The following MICALL1 variants were observed in gnomAD, a reference collection of about 807,000 sequenced individuals.
The protein encoded by MICALL1 is MICAL-like protein 1.
Under a neutral mutation model 83.7 loss-of-function variants are expected in MICALL1, and 61 were observed. The ratio of observed to expected loss-of-function variants is 0.73; its 90% CI spans 0.59 to 0.90. The LOEUF (loss-of-function observed/expected upper bound fraction) is 0.90. Among genes scored for constraint, MICALL1 ranks in the 40% least tolerant of loss-of-function variants. The pLI, the probability that MICALL1 is intolerant of heterozygous loss-of-function variation, is 0.00. For synonymous variants in MICALL1, 481 were observed against 473.6 expected, an observed-to-expected ratio of 1.02 and a Z score of -0.20; for missense variants, 1,066 against 1,152.0, an observed-to-expected ratio of 0.93 and a Z score of 1.08.
intron 13 of MICALL1, among the ~76,000 whole-genome samples, chr22:37,934,105 C>T (rs1362976565): frequency 6.6e-6 from 1 of 152,248 alleles, no homozygotes; most frequent in Non-Finnish European, 1.5e-5. Flanking sequence ...CCAGAGCGGG[C>T]ACGGCTCCTC....
chr22:37,917,716 C>G lies in MICALL1; in HGVS notation c.347C>G (p.Ser116Trp). The G allele has an allele frequency of 6.2e-7, 1 of 1,613,792 alleles. No homozygotes were observed. The highest frequency in any genetic ancestry group is 8.5e-7 in the Non-Finnish European group (1 of 1,179,820). ...TCTCATCTCTTGGCAGCTGGTGTCTCGCCACCCAGAAAGGGCCTTGCACCC... is the reference window on the plus strand; with the variant it reads ...TCTCATCTCTTGGCAGCTGGTGTCTGGCCACCCAGAAAGGGCCTTGCACCC... ...HFCSPGQAGV[S>W]PPRKGLAPCS... is the part of the protein sequence containing the mutation. Residue 116 changes from serine to tryptophan, a missense_variant, in exon 4 of 16, where the codon TCG becomes TGG. Coordinates refer to ENST00000215957, the MANE Select transcript of MICALL1 (RefSeq NM_033386.4).
At chr22:37,919,311 G>A (rs1928877956) in intron 5 of MICALL1, 133 bp downstream of exon 5, 2 of 1,162,968 alleles carry the variant, frequency 1.7e-6, no homozygotes. Context: ...TTTTACTGAT[G>A]AGCAAACCAA....
In MICALL1 at chr22:37,912,380, G is replaced by A; in HGVS notation, c.225G>A (p.Gly75=). The change falls in exon 3 of 16, where the codon GGG becomes GGA. Residue 75 remains glycine (G), a synonymous_variant. Coordinates refer to ENST00000215957, the MANE Select transcript of MICALL1 (RefSeq NM_033386.4). The part of the protein sequence containing the change: ...LAFEVAEKEL[G]IPALLDPNDM... ...TTGAAGTGGCTGAGAAGGAGCTGGG[G>A]ATCCCCGCTCTCCTGGACCCCAATG... The A allele has an allele frequency of 3.1e-6, 5 of 1,613,436 alleles. No homozygotes were observed. Among genetic ancestry groups the A allele is most frequent in the Non-Finnish European group, 4.2e-6 (5 of 1,179,432 alleles).
intron 5 of MICALL1, among the ~76,000 whole-genome samples, chr22:37,920,430 C>T (rs1928954812): frequency 1.3e-5 from 2 of 151,844 alleles, no homozygotes; most frequent in Admixed American, 6.6e-5. Flanking sequence ...AGGAAACAGA[C>T]TCTACCAACA....
intron 13 of MICALL1, among the ~76,000 whole-genome samples, chr22:37,934,807 AG>A (rs1265114847): frequency 6.6e-6 from 1 of 151,250 alleles, no homozygotes. Context: ...CATGTTAGCC[AG>A]GATGGTCTCG....
chr22:37,927,164 G>A, intron 8 of MICALL1: 2 of 497,304 alleles, frequency 4.0e-6, no homozygotes, highest in African/African-American at 1.9e-5. Flanking sequence ...GGGCTATGGG[G>A]AGTGTGGGGA....
At chr22:37,926,091 G>C in intron 8 of MICALL1, 48 bp downstream of exon 8, 2 of 1,530,198 alleles carry the variant, frequency 1.3e-6, no homozygotes, top group Non-Finnish European at 1.8e-6. Context: ...CTCGGGGGTG[G>C]GGCCCGGGCC....
chr22:37,929,477 G>A (rs1322131494), intron 9 of MICALL1, among the ~76,000 whole-genome samples: 3 of 152,218 alleles, frequency 2.0e-5, no homozygotes, highest in Non-Finnish European at 2.9e-5. Flanking sequence ...AGCTTTCTTG[G>A]GTGCTTCTGT....
chr22:37,911,275 A>G (rs532877207), intron 1 of MICALL1, among the ~76,000 whole-genome samples: 1 of 152,194 alleles, frequency 6.6e-6, no homozygotes, highest in Admixed American at 6.5e-5. Flanking sequence ...GAGTATGTAC[A>G]TTTCCACTCT....
rs1315880711 is a variant in MICALL1, at chr22:37,924,791, T to C, written c.1082+74T>C. ...GGAATCAGGGTACTCTGGGGCCGGG[T>C]AGGGAGAGAGGCTTCCTGTGGATGG... On this transcript the variant is annotated intron_variant, in intron 7 of 15. Coordinates refer to ENST00000215957, the MANE Select transcript of MICALL1 (RefSeq NM_033386.4). The surrounding 1 kb of genome is among the most constrained non-coding windows in gnomAD (Gnocchi z 5.2). 3.3e-6 allele frequency: 5 copies of C among 1,505,170 alleles called. No homozygotes were observed. The highest frequency in any genetic ancestry group is 4.6e-6 in the Non-Finnish European group (5 of 1,092,722). 93.2% of individuals were successfully genotyped at this position (1,505,170 alleles called of 1,614,324 possible).
chr22:37,933,191 A>T (rs967490283), intron 13 of MICALL1, 79 bp downstream of exon 13: 2 of 1,437,682 alleles, frequency 1.4e-6, no homozygotes, highest in Non-Finnish European at 1.9e-6. Flanking sequence ...CGGGCAGACA[A>T]AACCCCAGTA....
intron 4 of MICALL1, among the ~76,000 whole-genome samples, 188 bp from the exon 5 acceptor site, chr22:37,918,848 C>T (rs1928839929): frequency 6.6e-6 from 1 of 152,252 alleles, no homozygotes. Context: ...GGCTTCCTCA[C>T]CTGGGAGACA....
At position 37,917,806 on chromosome 22, in the gene MICALL1, A is replaced by G. The variant is rs1260835011; in HGVS notation, c.426+11A>G. 6 of 1,612,944 alleles carry G rather than the reference A, an allele frequency of 3.7e-6. No individual in the cohort carries two copies. The highest frequency in any genetic ancestry group is 5.1e-6 in the Non-Finnish European group (6 of 1,179,252). On this transcript the variant is annotated intron_variant, in intron 4 of 15. Coordinates refer to ENST00000215957, the MANE Select transcript of MICALL1 (RefSeq NM_033386.4). ...GAAGATGTGGCTCAGGTAGGCAGAT[A>G]CCTGGAGAGGTGGGAGGGCCAGGGG...
chr22:37,932,863 CG>C lies in MICALL1; in HGVS notation c.2211del (p.Arg738GlufsTer47). The part of the protein sequence containing the change: ...KLIHEKHLLV[R>X]RESELIYVFK... ...CATCCACGAGAAGCACCTACTGGTG[CG>C]GCGAGAGTCCGAGCTCATCTATGTG... On this transcript the variant is annotated frameshift_variant, in exon 12 of 16. Coordinates refer to ENST00000215957, the MANE Select transcript of MICALL1 (RefSeq NM_033386.4). LOFTEE classifies it high-confidence loss of function. This position sits in a 1 kb window ranked among gnomAD's most constrained non-coding sequence, Gnocchi z 4.4. 1 of 1,614,086 alleles carries C rather than the reference CG, an allele frequency of 6.2e-7. No homozygotes were observed. Among genetic ancestry groups the C allele is most frequent in the Non-Finnish European group, 8.5e-7 (1 of 1,180,002 alleles).
chr22:37,925,849 A>G lies in MICALL1; in HGVS notation c.1271A>G (p.Tyr424Cys), dbSNP rs1929396902. Residue 424 changes from tyrosine (Y) to cysteine (C), a missense_variant, in exon 8 of 16, where the codon TAT becomes TGT. Coordinates refer to ENST00000215957, the MANE Select transcript of MICALL1 (RefSeq NM_033386.4). ...ACGGCCAGCCTGGAGTCCAAACCCT[A>G]TAACCCCTTTGAGGAGGAGGAGGAG... Reference protein sequence around the residue: ...SPTASLESKPYNPFEEEEEDK... With the variant: ...SPTASLESKPCNPFEEEEEDK... The G allele has an allele frequency of 6.2e-7, 1 of 1,613,924 alleles. No individual in the cohort carries two copies. The highest frequency in any genetic ancestry group is 1.3e-5 in the African/African-American group (1 of 75,038).
chr22:37,921,102 T>G (rs574619167), intron 5 of MICALL1, among the ~76,000 whole-genome samples: 3 of 152,058 alleles, frequency 2.0e-5, no homozygotes, highest in Non-Finnish European at 4.4e-5. Context: ...AAAAAGAAAC[T>G]TTTTATAGCA....
In MICALL1 at chr22:37,906,830, C is replaced by T. The variant is rs1272757333; in HGVS notation, c.146+262C>T. The T allele has an allele frequency of 1.6e-5, 3 of 186,952 alleles. No homozygotes were observed. The highest frequency in any genetic ancestry group is 3.3e-5 in the Non-Finnish European group (3 of 91,608). The allele number at this position is 186,952 out of a possible 1,614,324, so 11.6% of individuals were successfully genotyped here. A position where few individuals can be genotyped will look rare whatever the true frequency, so the allele number is the denominator to read the frequency against. The stretch of plus-strand genomic sequence containing the variant: ...CTGGTCCCTCCGCGGGGACACTGGC[C>T]CCGCCCACAAAGCGCTGATTTCCGC... On this transcript the variant is annotated intron_variant, in intron 1 of 15. Transcript: ENST00000215957. This position sits in a 1 kb window ranked among gnomAD's most constrained non-coding sequence, Gnocchi z 4.4.
chr22:37,915,738 C>CA (rs1928636821), intron 3 of MICALL1, among the ~76,000 whole-genome samples: 1 of 151,756 alleles, frequency 6.6e-6, no homozygotes, highest in Non-Finnish European at 1.5e-5. Flanking sequence ...CTCTGCCTCC[C>CA]ATGTTCAAGC....
At chr22:37,940,081 T>C (rs910527224) in intron 15 of MICALL1, among the ~76,000 whole-genome samples, 2 of 145,060 alleles carry the variant, frequency 1.4e-5, no homozygotes, top group East Asian at 4.2e-4. Flanking sequence ...AGAGACTCTG[T>C]CTCAAAAAAA....
Sources: allele counts gnomAD v4.1 joint callset (sites outside exome capture counted in the v4.1 genomes callset), GRCh38; gene constraint gnomAD v4.1.1; non-coding constraint Gnocchi (gnomAD v3.1); transcripts MANE v1.5; gene names NCBI Gene and HGNC (gene_info 2026-07-23, HGNC 2026-07-21).